GABRA5: variants seen among roughly 807,000 people sequenced by gnomAD.
GABRA5 encodes the protein gamma-aminobutyric acid type A receptor subunit alpha5, also known as gamma-aminobutyric acid receptor subunit alpha-5.
In GABRA5, 18 loss-of-function variants were observed where a neutral mutation model predicts 47.3. That is an observed-to-expected ratio of 0.38 (90% CI 0.26 to 0.56). The LOEUF (loss-of-function observed/expected upper bound fraction) is 0.56. Ranked by LOEUF, GABRA5 falls within the 20% of genes least tolerant of loss-of-function variation. GABRA5 has a pLI of 0.71. For synonymous variants in GABRA5, 237 were observed against 229.3 expected, an observed-to-expected ratio of 1.03 and a Z score of -0.30; for missense variants, 365 against 599.3, an observed-to-expected ratio of 0.61 and a Z score of 4.08.
rs1182290091 is a variant in GABRA5, at chr15:26,880,978, TCTC to T, written c.208+15_208+17del. The T allele has an allele frequency of 1.2e-6, 2 of 1,613,286 alleles. No homozygotes were observed. The highest frequency in any genetic ancestry group is 2.7e-5 in the African/African-American group (2 of 74,844). ...GGCCCGGGCTGGGAGGTGAGTGTGC[TCTC>T]CTCAGCTGAGCCCAGCAAGGATCCA... is the stretch of plus-strand genomic sequence containing the variant. On this transcript the variant is annotated intron_variant, in intron 4 of 10. Transcript: ENST00000335625.
intron 6 of GABRA5, among the ~76,000 whole-genome samples, chr15:26,913,458 T>G (rs934393401): frequency 1.3e-5 from 2 of 152,194 alleles, no homozygotes; most frequent in African/African-American, 2.4e-5. Flanking sequence ...AAAAGGTTAA[T>G]CTATTTTCAC....
intron 4 of GABRA5, among the ~76,000 whole-genome samples, chr15:26,882,721 G>A (rs1892763169): frequency 6.6e-6 from 1 of 152,136 alleles, no homozygotes; most frequent in Non-Finnish European, 1.5e-5. Context: ...AGGACCTCCT[G>A]CTTTGATTGG....
chr15:26,868,919 T>G (rs918186972), intron 2 of GABRA5, 126 bp downstream of exon 2: 1 of 242,424 alleles, frequency 4.1e-6, no homozygotes, highest in Non-Finnish European at 8.2e-6. Context: ...AACAGAGTAT[T>G]TGAGTGGAAA....
chr15:26,911,073 G>A (rs1424146897), intron 6 of GABRA5, among the ~76,000 whole-genome samples: 2 of 152,116 alleles, frequency 1.3e-5, no homozygotes, highest in African/African-American at 4.8e-5. Context: ...TCCTGACTGA[G>A]GCTGAAACAG....
At chr15:26,947,849 T>G in intron 10 of GABRA5, 85 bp from the exon 11 acceptor site, 1 of 1,237,786 alleles carries the variant, frequency 8.1e-7, no homozygotes, top group Non-Finnish European at 1.1e-6. Flanking sequence ...TTTCTCTCTT[T>G]TGAGAGGTAT....
intron 6 of GABRA5, among the ~76,000 whole-genome samples, chr15:26,890,992 G>A (rs1380894815): frequency 6.6e-6 from 1 of 152,176 alleles, no homozygotes; most frequent in Non-Finnish European, 1.5e-5. Flanking sequence ...GTCAGATTTA[G>A]TTTTGCTAAA....
intron 6 of GABRA5, among the ~76,000 whole-genome samples, chr15:26,894,447 C>G (rs1444456279): frequency 1.3e-5 from 2 of 152,130 alleles, no homozygotes; most frequent in Non-Finnish European, 2.9e-5. Flanking sequence ...ATCCCGGGCC[C>G]CTCCTTCCCC....
At chr15:26,909,938 G>A (rs536948717) in intron 6 of GABRA5, among the ~76,000 whole-genome samples, 31 of 152,310 alleles carry the variant, frequency 2.0e-4, no homozygotes, top group African/African-American at 5.8e-4. Context: ...GGAAGGCTTC[G>A]ATTTGAAGAA....
intron 3 of GABRA5, among the ~76,000 whole-genome samples, chr15:26,879,685 A>T (rs1402728969): frequency 6.6e-6 from 1 of 152,202 alleles, no homozygotes; most frequent in African/African-American, 2.4e-5. Flanking sequence ...ACTGACTTTT[A>T]AGAACAGGGT....
intron 7 of GABRA5, among the ~76,000 whole-genome samples, chr15:26,933,473 C>A (rs1334227423): frequency 6.6e-6 from 1 of 152,238 alleles, no homozygotes; most frequent in Non-Finnish European, 1.5e-5. Context: ...TGGCCTCCTG[C>A]CTTGCTTCTC....
chr15:26,888,680 C>A (rs1207837795), intron 6 of GABRA5, among the ~76,000 whole-genome samples: 1 of 152,196 alleles, frequency 6.6e-6, no homozygotes, highest in Non-Finnish European at 1.5e-5. Flanking sequence ...CATACATACA[C>A]CATTACGTAA....
intron 7 of GABRA5, among the ~76,000 whole-genome samples, chr15:26,932,359 A>G (rs960771022): frequency 6.6e-6 from 1 of 152,226 alleles, no homozygotes; most frequent in African/African-American, 2.4e-5. Context: ...AACAAACATG[A>G]AAAAAAGCTC....
intron 9 of GABRA5, among the ~76,000 whole-genome samples, chr15:26,942,750 C>T (rs143754870): frequency 1.9e-3 from 294 of 152,302 alleles, no homozygotes; most frequent in Non-Finnish European, 3.2e-3. Context: ...CACAGAACAT[C>T]AGCAATCATC....
At chr15:26,889,225 C>T (rs1301508133) in intron 6 of GABRA5, among the ~76,000 whole-genome samples, 4 of 152,198 alleles carry the variant, frequency 2.6e-5, no homozygotes, top group Non-Finnish European at 5.9e-5. Context: ...TGAGTGGAAA[C>T]CCCTGCTTAA....
chr15:26,874,563 C>T (rs1417599513), intron 3 of GABRA5, among the ~76,000 whole-genome samples: 2 of 152,040 alleles, frequency 1.3e-5, no homozygotes, highest in Admixed American at 1.3e-4. Context: ...ATATGGGAAA[C>T]CAAAGAATAT....
rs1892774694 is a variant in GABRA5 at position 26,883,091 on chromosome 15, GGA to G, written c.209-74_209-73del. The G allele has an allele frequency of 8.2e-7, 1 of 1,219,396 alleles. No individual in the cohort carries two copies. The highest frequency in any genetic ancestry group is 1.2e-6 in the Non-Finnish European group (1 of 820,098). 75.5% of individuals were successfully genotyped at this position (1,219,396 alleles called of 1,614,324 possible). On this transcript the variant is annotated intron_variant, in intron 4 of 10. Coordinates refer to ENST00000335625, the MANE Select transcript of GABRA5 (RefSeq NM_000810.4). This position sits in a 1 kb window ranked among gnomAD's most constrained non-coding sequence, Gnocchi z 4.8. ...GTTGCAGAGGGTGACCCTGGTTACT[GGA>G]CTGAGAGCACGAGAGTGTGCCAGAC... is the stretch of plus-strand genomic sequence containing the variant.
At chr15:26,905,830 G>A (rs372815404) in intron 6 of GABRA5, among the ~76,000 whole-genome samples, 2 of 150,332 alleles carry the variant, frequency 1.3e-5, no homozygotes, top group African/African-American at 4.9e-5. Context: ...GAATTTTTTT[G>A]GTTCTTTTTA....
chr15:26,907,915 C>A (rs1566876014), intron 6 of GABRA5, among the ~76,000 whole-genome samples: 1 of 152,120 alleles, frequency 6.6e-6, no homozygotes. Flanking sequence ...TATAATAAAA[C>A]AAATACATCC....
intron 7 of GABRA5, among the ~76,000 whole-genome samples, chr15:26,919,829 G>A (rs1893801253): frequency 6.6e-6 from 1 of 151,918 alleles, no homozygotes; most frequent in South Asian, 2.1e-4. Context: ...TATACTTTCT[G>A]CTTTTGTTTT....
Sources: gnomAD v4.1 joint callset for allele counts (sites outside exome capture counted in the v4.1 genomes callset) on GRCh38, gnomAD v4.1.1 for gene constraint, Gnocchi (gnomAD v3.1) non-coding constraint, MANE v1.5 for transcripts, NCBI Gene and HGNC (gene_info 2026-07-23, HGNC 2026-07-21) for gene names.